TNFRSF11B: variants seen among roughly 807,000 people sequenced by gnomAD.
The protein encoded by TNFRSF11B is tumor necrosis factor receptor superfamily member 11B.
Under a neutral mutation model 43.4 loss-of-function variants are expected in TNFRSF11B, and 16 were observed. The ratio of observed to expected loss-of-function variants is 0.37; its 90% CI spans 0.25 to 0.56. TNFRSF11B has a LOEUF of 0.56. TNFRSF11B is among the 20% of genes least tolerant of loss of function. The pLI, the probability that TNFRSF11B is intolerant of heterozygous loss-of-function variation, is 0.80. For missense variants in TNFRSF11B, 444 were observed against 490.1 expected, an observed-to-expected ratio of 0.91 and a Z score of 0.89; for synonymous variants, 185 against 181.8, an observed-to-expected ratio of 1.02 and a Z score of -0.14.
At chr8:118,931,671 T>A (rs1364058971) in intron 2 of TNFRSF11B, among the ~76,000 whole-genome samples, 1 of 152,252 alleles carries the variant, frequency 6.6e-6, no homozygotes, top group Non-Finnish European at 1.5e-5. Context: ...GGGACTCTGA[T>A]GCAATTTGCA....
At chr8:118,937,590 A>G (rs954086941) in intron 1 of TNFRSF11B, among the ~76,000 whole-genome samples, 1 of 152,200 alleles carries the variant, frequency 6.6e-6, no homozygotes, top group Non-Finnish European at 1.5e-5. Context: ...ACCAACAAAC[A>G]TGAGTGTGAA....
intron 1 of TNFRSF11B, among the ~76,000 whole-genome samples, chr8:118,944,080 T>A (rs3134061): frequency 0.094 from 14,353 of 152,180 alleles, 844 homozygotes; most frequent in African/African-American, 0.17. Context: ...TTGCAGTTGC[T>A]TACCCTCAAT....
intron 1 of TNFRSF11B, among the ~76,000 whole-genome samples, chr8:118,949,461 G>C (rs1012195924): frequency 6.6e-6 from 1 of 152,114 alleles, no homozygotes; most frequent in African/African-American, 2.4e-5. Context: ...CTTTATGTGG[G>C]CATCTTGGAT....
At position 118,950,337 on chromosome 8, in the gene TNFRSF11B, G is replaced by A. The variant is rs768884505; in HGVS notation, c.30+1455C>T. On this transcript the variant is annotated intron_variant, in intron 1 of 4. Coordinates refer to ENST00000297350, the MANE Select transcript of TNFRSF11B (RefSeq NM_002546.4). ...TGGAATACCATACAGCAATGACAAC[G>A]GACAAATTATTCTATATCCTACAGT... Among the ~76,000 whole-genome samples, 8 of 152,082 alleles carry A rather than the reference G, an allele frequency of 5.3e-5. No homozygotes were observed. In the South Asian group the frequency reaches 6.2e-4, roughly 12 times the overall value.
In TNFRSF11B at chr8:118,938,832, G is replaced by A. The variant is rs145394206; in HGVS notation, c.31-5532C>T. Among the ~76,000 whole-genome samples the A allele has an allele frequency of 5.3e-5, 8 of 152,340 alleles. No individual in the cohort carries two copies. In the East Asian group the frequency reaches 1.5e-3, roughly 29 times the overall value. Reference sequence around the variant, plus strand: ...AAAACAAAAGAATACACTTGGTCCAGCAAGTTTATTTTTGCATTATGCAAT... The same window carrying A: ...AAAACAAAAGAATACACTTGGTCCAACAAGTTTATTTTTGCATTATGCAAT... On this transcript the variant is annotated intron_variant, in intron 1 of 4. Coordinates refer to ENST00000297350, the MANE Select transcript of TNFRSF11B (RefSeq NM_002546.4).
chr8:118,924,864 A>C, intron 4 of TNFRSF11B, 102 bp from the exon 5 acceptor site: 1 of 1,418,718 alleles, frequency 7.0e-7, no homozygotes, highest in Non-Finnish European at 9.8e-7. Flanking sequence ...GAATTTCATA[A>C]TTATATTTCA....
In TNFRSF11B at chr8:118,928,933, C is replaced by A. The variant is rs557774525; in HGVS notation, c.401-4G>T. 71 of 1,613,824 alleles carry A rather than the reference C, an allele frequency of 4.4e-5. No homozygotes were observed. The highest frequency in any genetic ancestry group is 5.9e-5 in the Non-Finnish European group (70 of 1,179,912). ...ACTGTATTTCGCTCTGGGGTTCCTA[C>A]AGAAAATACCAAGCAATTTAGTACC... On this transcript the variant is annotated splice_region_variant and splice_polypyrimidine_tract_variant and intron_variant, in intron 2 of 4. Coordinates refer to ENST00000297350, the MANE Select transcript of TNFRSF11B (RefSeq NM_002546.4).
rs372009662 is a variant in TNFRSF11B at position 118,933,022 on chromosome 8, G to A, written c.309C>T (p.Arg103=). 3.0e-5 allele frequency: 49 copies of A among 1,614,028 alleles called. No homozygotes were observed. The highest frequency in any genetic ancestry group is 5.3e-5 in the African/African-American group (4 of 74,930). The change falls in exon 2 of 5, where the codon CGC becomes CGT. Residue 103 remains arginine, a synonymous_variant. Transcript: ENST00000297350. ...AGCGCCCTTCCTTGCATTCGCACAC[G>A]CGGTTGTGGGTGCGATTGCACTCCT... ...VKQECNRTHN[R]VCECKEGRYL...
Position 118,924,569 on chromosome 8 carries a change from G to T in TNFRSF11B, c.1011C>A (p.Gly337=). ...TTAGGCCCTTCAAGGTGTCTTGGTC[G>T]CCATTTTTTATTCGCCACAAACTGA... The part of the protein sequence containing the change: ...KLLSLWRIKN[G]DQDTLKGLMH... The change falls in exon 5 of 5, where the codon GGC becomes GGA. Residue 337 remains glycine, a synonymous_variant. Coordinates refer to ENST00000297350, the MANE Select transcript of TNFRSF11B (RefSeq NM_002546.4). The T allele has an allele frequency of 6.2e-7, 1 of 1,614,136 alleles. No homozygotes were observed. The highest frequency in any genetic ancestry group is 8.5e-7 in the Non-Finnish European group (1 of 1,180,024).
intron 1 of TNFRSF11B, among the ~76,000 whole-genome samples, chr8:118,936,957 T>C (rs1383805120): frequency 6.6e-6 from 1 of 152,240 alleles, no homozygotes; most frequent in African/African-American, 2.4e-5. Context: ...AGACCACTTA[T>C]GCTTTAAGAG....
At chr8:118,932,844 T>A in intron 2 of TNFRSF11B, 87 bp downstream of exon 2, 1 of 1,568,106 alleles carries the variant, frequency 6.4e-7, no homozygotes, top group South Asian at 1.1e-5. Context: ...TCCTATAATG[T>A]CATCAGAACA....
At chr8:118,941,297 T>C (rs1812481751) in intron 1 of TNFRSF11B, among the ~76,000 whole-genome samples, 1 of 152,172 alleles carries the variant, frequency 6.6e-6, no homozygotes, top group African/African-American at 2.4e-5. Flanking sequence ...TGCTTAATAG[T>C]TTTCACAATA....
At chr8:118,948,717 G>A (rs1177725868) in intron 1 of TNFRSF11B, among the ~76,000 whole-genome samples, 1 of 151,634 alleles carries the variant, frequency 6.6e-6, no homozygotes, top group South Asian at 2.1e-4. Context: ...TGGATTGAGG[G>A]TATGTCAGAT....
At chr8:118,948,927 C>A (rs1812603881) in intron 1 of TNFRSF11B, among the ~76,000 whole-genome samples, 1 of 151,984 alleles carries the variant, frequency 6.6e-6, no homozygotes, top group Non-Finnish European at 1.5e-5. Context: ...ATAAATCTAC[C>A]CCTCCCTGCC....
chr8:118,937,949 CAAAAT>C (rs1470314795), intron 1 of TNFRSF11B, among the ~76,000 whole-genome samples: 13 of 151,892 alleles, frequency 8.6e-5, no homozygotes, highest in African/African-American at 2.7e-4. Context: ...TGTTTTAAGT[CAAAAT>C]AAAATATTTA....
At chr8:118,941,062 A>C (rs1442317490) in intron 1 of TNFRSF11B, among the ~76,000 whole-genome samples, 1 of 152,232 alleles carries the variant, frequency 6.6e-6, no homozygotes, top group Non-Finnish European at 1.5e-5. Flanking sequence ...ATTTGCAAGG[A>C]CAAGCACAAA....
At chr8:118,941,777 G>C (rs1347357510) in intron 1 of TNFRSF11B, among the ~76,000 whole-genome samples, 1 of 152,074 alleles carries the variant, frequency 6.6e-6, no homozygotes, top group African/African-American at 2.4e-5. Context: ...TGTAATGCAG[G>C]CATATGCTTA....
intron 1 of TNFRSF11B, among the ~76,000 whole-genome samples, chr8:118,936,469 G>A (rs564758874): frequency 6.6e-6 from 1 of 152,164 alleles, no homozygotes; most frequent in Admixed American, 6.5e-5. Context: ...CTCAGTTACT[G>A]GACAGAGGAT....
At chr8:118,939,052 G>A (rs1036542193) in intron 1 of TNFRSF11B, among the ~76,000 whole-genome samples, 1 of 152,248 alleles carries the variant, frequency 6.6e-6, no homozygotes, top group Non-Finnish European at 1.5e-5. Context: ...CCCAGAGTTA[G>A]CTAAACTTCT....
Sources: allele counts gnomAD v4.1 joint callset (sites outside exome capture counted in the v4.1 genomes callset), GRCh38; gene constraint gnomAD v4.1.1; transcripts MANE v1.5; gene names NCBI Gene and HGNC (gene_info 2026-07-23, HGNC 2026-07-21).